ITGB5: variants seen among roughly 807,000 people sequenced by gnomAD.
ITGB5 encodes the protein integrin subunit beta 5.
Under a neutral mutation model 84.8 loss-of-function variants are expected in ITGB5, and 38 were observed. The observed-to-expected ratio is 0.45, with a 90% CI of 0.35 to 0.59. ITGB5 has a LOEUF of 0.59. Among genes scored for constraint, ITGB5 ranks in the 20% least tolerant of loss-of-function variants. The pLI is 0.01. For missense variants in ITGB5, 905 were observed against 1,034.5 expected (o/e 0.87, Z 1.72); for synonymous variants, 393 against 414.4 (o/e 0.95, Z 0.63).
chr3:124,766,431 G>A (rs2063769843), intron 12 of ITGB5, 86 bp from the exon 13 acceptor site: 1 of 1,524,384 alleles, frequency 6.6e-7, no homozygotes, highest in Non-Finnish European at 8.9e-7. Context: ...CGAGTGCCTT[G>A]AAAAAGGAAA....
chr3:124,884,228 A>G (rs1934704540), intron 1 of ITGB5, among the ~76,000 whole-genome samples: 1 of 152,082 alleles, frequency 6.6e-6, no homozygotes, highest in Admixed American at 6.5e-5. Flanking sequence ...AAAAAAGAAA[A>G]AAAAAAAGAA....
intron 10 of ITGB5, among the ~76,000 whole-genome samples, chr3:124,788,733 T>C (rs1024107766): frequency 4.6e-5 from 7 of 152,134 alleles, no homozygotes; most frequent in Non-Finnish European, 7.3e-5. Flanking sequence ...GTGGAAGATA[T>C]ATTTTGCATC....
rs75334771 is a variant in ITGB5 at position 124,821,346 on chromosome 3, G to A, written c.909C>T (p.Asn303=). ...TGGATGCAGTGTACTCGTTGGCCTCGTTCAGGTGGCACTGGCCATCGTGTG... is the reference window on the plus strand; with the variant it reads ...TGGATGCAGTGTACTCGTTGGCCTCATTCAGGTGGCACTGGCCATCGTGTG... ...VQPHDGQCHL[N]EANEYTASNQ... Residue 303 remains asparagine, a synonymous_variant, in exon 6 of 15, where the codon AAC becomes AAT. Transcript: ENST00000296181. The A allele has an allele frequency of 6.7e-4, 1,077 of 1,614,130 alleles. 16 individuals are homozygous for A. In the East Asian group the frequency reaches 0.021, roughly 31 times the overall value.
chr3:124,802,474 G>A (rs999061341), intron 9 of ITGB5, among the ~76,000 whole-genome samples: 1 of 152,218 alleles, frequency 6.6e-6, no homozygotes, highest in African/African-American at 2.4e-5. Flanking sequence ...TTGGGGATCA[G>A]AGGAACTGAC....
chr3:124,891,482 C>T (rs1021350128), upstream of ITGB5, among the ~76,000 whole-genome samples: 6 of 151,536 alleles, frequency 4.0e-5, no homozygotes, highest in Non-Finnish European at 8.8e-5. Flanking sequence ...GAGTTCAAGA[C>T]CGGCCTGAGC....
chr3:124,870,947 G>C (rs1933994027), intron 2 of ITGB5, among the ~76,000 whole-genome samples: 1 of 151,074 alleles, frequency 6.6e-6, no homozygotes, highest in Non-Finnish European at 1.5e-5. Flanking sequence ...CTGGAGTGCA[G>C]TGGCACAATC....
intron 1 of ITGB5, among the ~76,000 whole-genome samples, chr3:124,892,800 C>A (rs1171469074): frequency 1.3e-5 from 2 of 151,800 alleles, no homozygotes; most frequent in Admixed American, 1.3e-4. Flanking sequence ...CGTTAAGTTT[C>A]CTGTTTCACA....
intron 10 of ITGB5, among the ~76,000 whole-genome samples, chr3:124,775,228 G>A (rs563144733): frequency 6.6e-5 from 10 of 151,840 alleles, no homozygotes; most frequent in African/African-American, 2.4e-4. Flanking sequence ...GTGTGAGTGT[G>A]TATGAGTGTG....
At chr3:124,897,974 C>A (rs749501593) in intron 1 of ITGB5, among the ~76,000 whole-genome samples, 1 of 152,070 alleles carries the variant, frequency 6.6e-6, no homozygotes, top group Non-Finnish European at 1.5e-5. Context: ...TGCAGTAATA[C>A]CAGACTTGAT....
At chr3:124,834,871 G>C (rs1287220394) in intron 5 of ITGB5, among the ~76,000 whole-genome samples, 1 of 152,200 alleles carries the variant, frequency 6.6e-6, no homozygotes, top group Non-Finnish European at 1.5e-5. Context: ...CACAGGCAGA[G>C]AGCCTTGCAA....
intron 9 of ITGB5, among the ~76,000 whole-genome samples, chr3:124,805,108 C>G (rs1193734377): frequency 7.2e-6 from 1 of 139,300 alleles, no homozygotes; most frequent in East Asian, 2.5e-4. Context: ...CTCTCTCTCT[C>G]CTTCCTTTCC....
chr3:124,769,202 G>A (rs2063808103), intron 11 of ITGB5, 89 bp from the exon 12 acceptor site: 1 of 984,278 alleles, frequency 1.0e-6, no homozygotes, highest in Admixed American at 2.1e-5. Flanking sequence ...CAGGACCTGG[G>A]AAGGCTTTCA....
At chr3:124,897,117 T>A (rs1309474947) in intron 1 of ITGB5, among the ~76,000 whole-genome samples, 2 of 152,160 alleles carry the variant, frequency 1.3e-5, no homozygotes, top group Non-Finnish European at 2.9e-5. Context: ...AAAGGCCCTA[T>A]CCCTGATCTT....
chr3:124,765,964 C>T (rs567515203), intron 13 of ITGB5, among the ~76,000 whole-genome samples: 61 of 150,072 alleles, frequency 4.1e-4, no homozygotes, highest in African/African-American at 1.2e-3. Flanking sequence ...GAGGCTGAAG[C>T]GGGAGGATCA....
At chr3:124,824,719 G>C (rs529136746) in intron 5 of ITGB5, among the ~76,000 whole-genome samples, 9 of 152,250 alleles carry the variant, frequency 5.9e-5, no homozygotes, top group African/African-American at 2.2e-4. Context: ...TTTAAAAAGT[G>C]GTCAAAAGAT....
chr3:124,796,559 C>T lies in ITGB5; in HGVS notation c.1522G>A (p.Val508Met), dbSNP rs576577571. Reference sequence around the variant, plus strand: ...GCCTCCCGGCACAGGTTCTGGTACACGCTCTGGTTCTCCCCATCCTGGCAC... The same window carrying T: ...GCCTCCCGGCACAGGTTCTGGTACATGCTCTGGTTCTCCCCATCCTGGCAC... ...CECQDGENQS[V>M]YQNLCREAEG... Residue 508 changes from valine to methionine, a missense_variant, in exon 10 of 15, where the codon GTG becomes ATG. Around this residue, in one of 3 missense-constraint regions of ITGB5, gnomAD observed 656 missense variants for 734.7 expected, o/e 0.89. Coordinates refer to ENST00000296181, the MANE Select transcript of ITGB5 (RefSeq NM_002213.5). The T allele has an allele frequency of 1.6e-5, 26 of 1,614,126 alleles. No individual in the cohort carries two copies. The highest frequency in any genetic ancestry group is 1.6e-4 in the Middle Eastern group (1 of 6,062).
At chr3:124,831,913 C>G (rs1157796740) in intron 5 of ITGB5, among the ~76,000 whole-genome samples, 2 of 152,104 alleles carry the variant, frequency 1.3e-5, no homozygotes, top group African/African-American at 4.8e-5. Flanking sequence ...TCTGAGACAC[C>G]CTCCAAATTA....
chr3:124,768,559 G>A (rs146661232), intron 12 of ITGB5, among the ~76,000 whole-genome samples: 244 of 152,326 alleles, frequency 1.6e-3, no homozygotes, highest in African/African-American at 5.6e-3. Context: ...GTGCCGTAGC[G>A]TGTTTCAGTG....
intron 9 of ITGB5, among the ~76,000 whole-genome samples, chr3:124,797,445 C>T (rs1232265810): frequency 6.6e-6 from 1 of 151,742 alleles, no homozygotes; most frequent in Non-Finnish European, 1.5e-5. Context: ...CTTTCACAAT[C>T]CCCCCATGCC....
Sources: gnomAD v4.1 joint callset for allele counts (sites outside exome capture counted in the v4.1 genomes callset) on GRCh38, gnomAD v4.1.1 for gene constraint, gnomAD v4.1.1 regional missense constraint, MANE v1.5 for transcripts, NCBI Gene and HGNC (gene_info 2026-07-23, HGNC 2026-07-21) for gene names.